DYNC2H1: variants seen among roughly 807,000 people sequenced by gnomAD.
The protein encoded by DYNC2H1 is dynein cytoplasmic 2 heavy chain 1.
Under a neutral mutation model 570.0 loss-of-function variants are expected in DYNC2H1, and 410 were observed. The observed-to-expected ratio is 0.72, with a 90% CI of 0.66 to 0.78. DYNC2H1 has a LOEUF of 0.78. DYNC2H1 is among the 30% of genes least tolerant of loss of function. DYNC2H1 has a pLI of 0.00. For missense variants in DYNC2H1, 4,865 were observed against 5,046.4 expected, an observed-to-expected ratio of 0.96 and a Z score of 1.09; for synonymous variants, 1,688 against 1,677.6, an observed-to-expected ratio of 1.01 and a Z score of -0.15.
At chr11:103,392,085 C>T (rs1368528404) in intron 83 of DYNC2H1, among the ~76,000 whole-genome samples, 1 of 152,176 alleles carries the variant, frequency 6.6e-6, no homozygotes, top group Non-Finnish European at 1.5e-5. Flanking sequence ...TTGGCTATGC[C>T]CTGCCCGCAG....
intron 84 of DYNC2H1, among the ~76,000 whole-genome samples, chr11:103,412,662 C>T (rs1943132993): frequency 6.6e-6 from 1 of 152,082 alleles, no homozygotes; most frequent in South Asian, 2.1e-4. Flanking sequence ...GGGAGTCCTT[C>T]AGCAATATGG....
intron 83 of DYNC2H1, among the ~76,000 whole-genome samples, chr11:103,382,498 A>T (rs1455438814): frequency 6.6e-6 from 1 of 152,202 alleles, no homozygotes; most frequent in Non-Finnish European, 1.5e-5. Flanking sequence ...TAAAATTGAT[A>T]ATTTCTTCCT....
intron 83 of DYNC2H1, among the ~76,000 whole-genome samples, chr11:103,373,889 C>G (rs1291589820): frequency 1.3e-5 from 2 of 152,120 alleles, no homozygotes; most frequent in African/African-American, 4.8e-5. Context: ...TCTATATTTA[C>G]AGTTGCTACA....
intron 82 of DYNC2H1, among the ~76,000 whole-genome samples, chr11:103,345,083 A>T (rs936601999): frequency 6.6e-6 from 1 of 152,066 alleles, no homozygotes; most frequent in East Asian, 1.9e-4. Flanking sequence ...TGTTTTGCTT[A>T]TTTTTCGAAC....
At chr11:103,342,378 A>G (rs969834206) in intron 82 of DYNC2H1, among the ~76,000 whole-genome samples, 8 of 152,110 alleles carry the variant, frequency 5.3e-5, no homozygotes, top group Admixed American at 2.0e-4. Flanking sequence ...GGGACAAATA[A>G]GGGAATAAAA....
In DYNC2H1 at chr11:103,173,321, C is replaced by A; in HGVS notation, c.5558+16C>A. 6.8e-7 allele frequency: 1 copy of A among 1,480,262 alleles called. No homozygotes were observed. The highest frequency in any genetic ancestry group is 1.4e-5 in the South Asian group (1 of 70,872). 91.7% of individuals were successfully genotyped at this position (1,480,262 alleles called of 1,614,324 possible). A position where few individuals can be genotyped will look rare whatever the true frequency, so the allele number is the denominator to read the frequency against. On this transcript the variant is annotated intron_variant, in intron 35 of 88. Coordinates refer to ENST00000375735, the MANE Select transcript of DYNC2H1 (RefSeq NM_001377.3). The stretch of plus-strand genomic sequence containing the variant: ...ATCTATCTAGGTGAGTTTTCTTGTT[C>A]TAAATATTTTTATATTTTACATTTC...
At chr11:103,169,037 ACT>A in intron 32 of DYNC2H1, 77 bp downstream of exon 32, 1 of 1,284,766 alleles carries the variant, frequency 7.8e-7, no homozygotes, top group Non-Finnish European at 1.0e-6. Context: ...TGGTAGAAAT[ACT>A]TTTTTATTTA....
intron 34 of DYNC2H1, among the ~76,000 whole-genome samples, chr11:103,172,616 G>T (rs556250914): frequency 8.6e-5 from 13 of 151,938 alleles, no homozygotes; most frequent in Admixed American, 7.2e-4. Flanking sequence ...ATCACATTCA[G>T]TTCTTCCCTG....
In DYNC2H1 at chr11:103,299,435, G is replaced by A. The variant is rs1042738480; in HGVS notation, c.11096-3658G>A. On this transcript the variant is annotated intron_variant, in intron 75 of 88. Transcript: ENST00000375735. This position sits in a 1 kb window ranked among gnomAD's most constrained non-coding sequence, Gnocchi z 4.5. ...GGTTTCTTTGCTCCAAGTTTTGGAAGCCCTGGGGAAAATCCACTTCCAAAC... is the reference window on the plus strand; with the variant it reads ...GGTTTCTTTGCTCCAAGTTTTGGAAACCCTGGGGAAAATCCACTTCCAAAC... Among the ~76,000 whole-genome samples the A allele has an allele frequency of 6.6e-6, 1 of 152,076 alleles. No individual in the cohort carries two copies. Among genetic ancestry groups the A allele is most frequent in the Non-Finnish European group, 1.5e-5 (1 of 67,984 alleles).
chr11:103,427,453 C>T (rs1244958621), intron 84 of DYNC2H1, among the ~76,000 whole-genome samples: 1 of 152,062 alleles, frequency 6.6e-6, no homozygotes, highest in Non-Finnish European at 1.5e-5. Flanking sequence ...CTAATGTATA[C>T]CATGCTGTAG....
chr11:103,339,571 A>C (rs10895402), intron 82 of DYNC2H1, among the ~76,000 whole-genome samples: 32,945 of 151,974 alleles, frequency 0.22, 3,701 homozygotes, highest in Admixed American at 0.31. Context: ...ACAAAGTCTT[A>C]CGTATTTTTT....
rs1462033158 is a variant in DYNC2H1 at position 103,235,735 on chromosome 11, A to G, written c.9631A>G (p.Ile3211Val). 1.2e-6 allele frequency: 2 copies of G among 1,611,686 alleles called. No homozygotes were observed. Among genetic ancestry groups the G allele is most frequent in the Non-Finnish European group, 1.7e-6 (2 of 1,178,538 alleles). The change falls in exon 62 of 89, where the codon ATT becomes GTT. Residue 3211 changes from isoleucine (I) to valine (V), a missense_variant. This residue lies in a region of DYNC2H1 where 2,401 missense variants were observed against 2,454.6 expected (regional missense o/e 0.98). Coordinates refer to ENST00000375735, the MANE Select transcript of DYNC2H1 (RefSeq NM_001377.3). ...AAGAGCTCAACTTGCTGCTGCATTT[A>G]TTACATATCTTTCTGCTGCTCCTGA... ...PKRAQLAAAFITYLSAAPESL... is the reference protein window; with the variant it reads ...PKRAQLAAAFVTYLSAAPESL...
At chr11:103,426,781 A>C (rs1040883402) in intron 84 of DYNC2H1, among the ~76,000 whole-genome samples, 5 of 152,080 alleles carry the variant, frequency 3.3e-5, no homozygotes, top group Non-Finnish European at 7.3e-5. Context: ...CATTTGATTG[A>C]TTGGTCGCGT....
Position 103,231,597 on chromosome 11 carries a change from A to AGT in DYNC2H1, c.9440+251_9440+252insGT, listed in dbSNP as rs1864014511. 1.5e-4 allele frequency among the ~76,000 whole-genome samples: 3 copies of AGT among 20,350 alleles called. No homozygotes were observed. In the Admixed American group the frequency reaches 1.6e-3, roughly 11 times the overall value. The allele number at this position is 20,350 out of a possible 152,430, so 13.4% of individuals were successfully genotyped here. On this transcript the variant is annotated intron_variant, in intron 60 of 88. Coordinates refer to ENST00000375735, the MANE Select transcript of DYNC2H1 (RefSeq NM_001377.3). ...ATACTCAAGTTAAGGATCATTTTTG[A>AGT]ATATTAGTTTTAAAGCCTTTCATGT...
In DYNC2H1 at chr11:103,222,831, A is replaced by G. The variant is rs76754213; in HGVS notation, c.9232-134A>G. 0.11 allele frequency: 103,332 copies of G among 919,310 alleles called. 6,501 individuals carry two copies. The highest frequency in any genetic ancestry group is 0.12 in the East Asian group (4,428 of 36,314). 56.9% of individuals were successfully genotyped at this position (919,310 alleles called of 1,614,324 possible). A position where few individuals can be genotyped will look rare whatever the true frequency, so the allele number is the denominator to read the frequency against. ...CAAAATAGAAGTTCACTGTATTTTT[A>G]TTTTAGCTATAAGCCAAAAAACTAC... On this transcript the variant is annotated intron_variant, in intron 58 of 88. Transcript: ENST00000375735.
rs1945266362 is a variant in DYNC2H1 at position 103,468,432 on chromosome 11, C to T, written c.12649-157C>T. ...GTTGACAGTGAACACTAGTCCAGGC[C>T]TTACTGACTTTATTCTCAAAGTACC... On this transcript the variant is annotated intron_variant, in intron 87 of 88. Transcript: ENST00000375735. 6 of 548,998 alleles carry T rather than the reference C, an allele frequency of 1.1e-5. No homozygotes were observed. In the South Asian group the frequency reaches 1.3e-4, roughly 12 times the overall value. The allele number at this position is 548,998 out of a possible 1,614,324, so 34.0% of individuals were successfully genotyped here. A position where few individuals can be genotyped will look rare whatever the true frequency, so the allele number is the denominator to read the frequency against.
chr11:103,333,305 C>T (rs946521370), intron 82 of DYNC2H1, among the ~76,000 whole-genome samples: 1 of 152,052 alleles, frequency 6.6e-6, no homozygotes, highest in Non-Finnish European at 1.5e-5. Context: ...ACTCTGTTGC[C>T]CAGGCTGGAG....
chr11:103,446,195 AAATAGAAAATTAGC>A lies in DYNC2H1; in HGVS notation c.12457-8987_12457-8974del, dbSNP rs1486226210. On this transcript the variant is annotated intron_variant, in intron 85 of 88. Coordinates refer to ENST00000375735, the MANE Select transcript of DYNC2H1 (RefSeq NM_001377.3). This position sits in a 1 kb window ranked among gnomAD's most constrained non-coding sequence, Gnocchi z 4.5. ...TTGATGAGAAAGCTACTGGAATTGG[AAATAGAAAATTAGC>A]AATTATCAGCATATCAACATAGTGT... Among the ~76,000 whole-genome samples the A allele has an allele frequency of 6.6e-5, 10 of 152,152 alleles. No homozygotes were observed. Among genetic ancestry groups the A allele is most frequent in the Admixed American group, 2.0e-4 (3 of 15,270 alleles).
rs941416806 is a variant in DYNC2H1, at chr11:103,203,902, A to G, written c.8311+126A>G. 3.0e-6 allele frequency: 2 copies of G among 661,542 alleles called. No homozygotes were observed. Among genetic ancestry groups the G allele is most frequent in the African/African-American group, 3.7e-5 (2 of 54,524 alleles). The allele number at this position is 661,542 out of a possible 1,614,324, so 41.0% of individuals were successfully genotyped here. Reference sequence around the variant, plus strand: ...AATCTTTTTTCTGGAGCTTTTAGAAAGTAACACCTAACTAGTGGATAGGCT... The same window carrying G: ...AATCTTTTTTCTGGAGCTTTTAGAAGGTAACACCTAACTAGTGGATAGGCT... On this transcript the variant is annotated intron_variant, in intron 51 of 88. Coordinates refer to ENST00000375735, the MANE Select transcript of DYNC2H1 (RefSeq NM_001377.3). This position sits in a 1 kb window ranked among gnomAD's most constrained non-coding sequence, Gnocchi z 4.7.
Sources: allele counts gnomAD v4.1 joint callset (sites outside exome capture counted in the v4.1 genomes callset), GRCh38; gene constraint gnomAD v4.1.1; regional missense constraint gnomAD v4.1.1; non-coding constraint Gnocchi (gnomAD v3.1); transcripts MANE v1.5; gene names NCBI Gene and HGNC (gene_info 2026-07-23, HGNC 2026-07-21).